CALN1: variants seen among roughly 807,000 people sequenced by gnomAD.
CALN1 encodes calneuron 1.
CALN1 carries 17 observed loss-of-function variants against 30.6 expected under a neutral mutation model. The observed-to-expected ratio is 0.56, with a 90% CI of 0.38 to 0.83. The LOEUF is 0.83. Ranked by LOEUF, CALN1 falls within the 40% of genes least tolerant of loss-of-function variation. CALN1 has a pLI of 0.00. For synonymous variants in CALN1, 156 were observed against 131.4 expected, an observed-to-expected ratio of 1.19 and a Z score of -1.28; for missense variants, 291 against 354.9, an observed-to-expected ratio of 0.82 and a Z score of 1.45.
At chr7:72,409,237 A>C (rs1562956224) in intron 1 of CALN1, among the ~76,000 whole-genome samples, 1 of 150,934 alleles carries the variant, frequency 6.6e-6, no homozygotes, top group African/African-American at 2.4e-5. Context: ...CTCATGATCT[A>C]CCCGCCTCGG....
chr7:72,008,871 GTCTCAAACAAC>G (rs140899055), intron 5 of CALN1, among the ~76,000 whole-genome samples: 9,096 of 152,020 alleles, frequency 0.06, 796 homozygotes, highest in East Asian at 0.32. Flanking sequence ...GGCCAGGCTG[GTCTCAAACAAC>G]TGACCTCAGG....
At chr7:72,347,489 C>A (rs923095906) in intron 2 of CALN1, among the ~76,000 whole-genome samples, 1 of 152,102 alleles carries the variant, frequency 6.6e-6, no homozygotes, top group African/African-American at 2.4e-5. Flanking sequence ...TGGTCTCCAA[C>A]TCCCGACCTC....
At chr7:72,073,322 G>C (rs1804525980) in intron 4 of CALN1, among the ~76,000 whole-genome samples, 1 of 152,214 alleles carries the variant, frequency 6.6e-6, no homozygotes, top group Non-Finnish European at 1.5e-5. Flanking sequence ...AAGATGGACA[G>C]TAGTGATGCT....
intron 3 of CALN1, among the ~76,000 whole-genome samples, chr7:72,204,962 CA>C (rs1413806836): frequency 6.6e-5 from 10 of 152,232 alleles, no homozygotes; most frequent in African/African-American, 2.4e-4. Context: ...ATAATCCCAA[CA>C]ATAAAGAATG....
chr7:72,001,521 A>T (rs1584719407), intron 5 of CALN1, among the ~76,000 whole-genome samples: 1 of 152,112 alleles, frequency 6.6e-6, no homozygotes, highest in East Asian at 1.9e-4. Flanking sequence ...CCAAGGGGAG[A>T]ATAAGGGGAG....
rs1202501563 is a variant in CALN1, at chr7:71,782,207, T to C, written c.*5568A>G. The C allele has an allele frequency of 6.6e-6, 1 of 152,170 alleles. No homozygotes were observed. Among genetic ancestry groups the C allele is most frequent in the Non-Finnish European group, 1.5e-5 (1 of 68,026 alleles). 9.4% of individuals were successfully genotyped at this position (152,170 alleles called of 1,614,324 possible). On this transcript the variant is annotated 3_prime_UTR_variant, in exon 7 of 7. Coordinates refer to ENST00000395275, the MANE Select transcript of CALN1 (RefSeq NM_031468.4). The stretch of plus-strand genomic sequence containing the variant: ...TGGGGCCTGCTGGGAGATATTTGGG[T>C]CATAGGGACAGATTCCTCATGAATG...
intron 6 of CALN1, among the ~76,000 whole-genome samples, chr7:71,798,523 C>G (rs1169392946): frequency 2.0e-5 from 3 of 151,814 alleles, no homozygotes; most frequent in Non-Finnish European, 4.4e-5. Flanking sequence ...CCAGGCTGGT[C>G]TCGAACTCCT....
chr7:71,862,392 G>A (rs141355390), intron 5 of CALN1, among the ~76,000 whole-genome samples: 5 of 152,286 alleles, frequency 3.3e-5, no homozygotes, highest in East Asian at 1.9e-4. Context: ...GGTCTTTCCC[G>A]TGCTGTTCTC....
intron 5 of CALN1, among the ~76,000 whole-genome samples, chr7:71,853,056 C>T (rs2116604336): frequency 6.6e-6 from 1 of 151,966 alleles, no homozygotes; most frequent in East Asian, 1.9e-4. Flanking sequence ...TGTTAGAGAG[C>T]TGAAGTTTAA....
intron 2 of CALN1, among the ~76,000 whole-genome samples, chr7:72,322,725 A>G (rs1425875364): frequency 1.3e-5 from 2 of 152,064 alleles, no homozygotes; most frequent in Admixed American, 6.6e-5. Flanking sequence ...AAATAGGAAG[A>G]ATGAATAATA....
intron 1 of CALN1, among the ~76,000 whole-genome samples, chr7:72,411,401 CTA>C (rs1281186805): frequency 2.6e-5 from 4 of 151,978 alleles, no homozygotes; most frequent in South Asian, 2.1e-4. Flanking sequence ...TCAAGATTTT[CTA>C]TGTTAGAGAA....
chr7:72,052,415 C>A (rs1802892496), intron 4 of CALN1, among the ~76,000 whole-genome samples: 1 of 152,062 alleles, frequency 6.6e-6, no homozygotes, highest in African/African-American at 2.4e-5. Context: ...CGAGAAAGGG[C>A]CACAACTGTT....
intron 3 of CALN1, among the ~76,000 whole-genome samples, chr7:72,272,223 CT>C (rs1433626020): frequency 6.6e-6 from 1 of 152,094 alleles, no homozygotes; most frequent in Non-Finnish European, 1.5e-5. Flanking sequence ...TATTCCCATA[CT>C]CAAAATACCC....
At chr7:71,870,636 T>G (rs1791868760) in intron 5 of CALN1, among the ~76,000 whole-genome samples, 1 of 152,220 alleles carries the variant, frequency 6.6e-6, no homozygotes, top group Non-Finnish European at 1.5e-5. Context: ...ATTGAGTCTC[T>G]GTTACTTTTA....
At chr7:71,822,612 G>A (rs897763005) in intron 5 of CALN1, among the ~76,000 whole-genome samples, 5 of 152,058 alleles carry the variant, frequency 3.3e-5, no homozygotes, top group African/African-American at 1.2e-4. Context: ...TTTAGTTTTG[G>A]TTATGCTGCT....
chr7:72,328,434 C>T (rs952845374), intron 2 of CALN1, among the ~76,000 whole-genome samples: 3 of 152,186 alleles, frequency 2.0e-5, no homozygotes, highest in African/African-American at 2.4e-5. Context: ...CTTCATCTTC[C>T]GCCATGATTG....
chr7:72,134,833 AT>A, intron 3 of CALN1, among the ~76,000 whole-genome samples: 1 of 152,226 alleles, frequency 6.6e-6, no homozygotes, highest in East Asian at 1.9e-4. Flanking sequence ...GTTTGACAGC[AT>A]TTTACCCACA....
the CALN1 span, among the ~76,000 whole-genome samples, chr7:72,489,509 G>A: frequency 8.5e-5 from 13 of 152,186 alleles, no homozygotes; most frequent in Admixed American, 2.0e-4. Context: ...CTCTATTAAA[G>A]TGACTGAATC....
chr7:72,414,086 T>C (rs1562960366), upstream of CALN1, among the ~76,000 whole-genome samples: 1 of 152,076 alleles, frequency 6.6e-6, no homozygotes, highest in Non-Finnish European at 1.5e-5. Flanking sequence ...TATCTTCCCA[T>C]CACCCTCGCC....
Sources: allele counts gnomAD v4.1 joint callset (sites outside exome capture counted in the v4.1 genomes callset), GRCh38; gene constraint gnomAD v4.1.1; transcripts MANE v1.5; gene names NCBI Gene and HGNC (gene_info 2026-07-23, HGNC 2026-07-21).